The following CCDC60 variants were observed in gnomAD, a reference collection of about 807,000 sequenced individuals.
CCDC60 encodes coiled-coil domain-containing protein 60.
A neutral mutation model predicts 63.5 loss-of-function variants in CCDC60; 54 were observed. The ratio of observed to expected loss-of-function variants is 0.85; its 90% confidence interval spans 0.68 to 1.07. The LOEUF is 1.07. Ranked by LOEUF, CCDC60 falls within the 50% of genes least tolerant of loss-of-function variation. CCDC60 has a pLI of 0.00. For missense variants in CCDC60, 651 were observed against 684.3 expected, an observed-to-expected ratio of 0.95 and a Z score of 0.54; for synonymous variants, 206 against 238.8, an observed-to-expected ratio of 0.86 and a Z score of 1.27.
intron 1 of CCDC60, 113 bp downstream of exon 1, chr12:119,335,379 C>T (rs111727711): frequency 9.7e-6 from 7 of 719,054 alleles, no homozygotes; most frequent in African/African-American, 5.4e-5. Context: ...GCCACACTGA[C>T]TTCCACAATG....
chr12:119,428,819 A>G, intron 2 of CCDC60, 57 bp downstream of exon 2: 3 of 1,168,022 alleles, frequency 2.6e-6, no homozygotes, highest in Non-Finnish European at 3.8e-6. Flanking sequence ...TGAGCAGGCT[A>G]TGGGGTGTTG....
At chr12:119,358,629 C>G (rs1955742124) in intron 1 of CCDC60, among the ~76,000 whole-genome samples, 1 of 152,198 alleles carries the variant, frequency 6.6e-6, no homozygotes, top group Non-Finnish European at 1.5e-5. Context: ...AACCACCATC[C>G]TGACCTCTAT....
chr12:119,447,696 A>G (rs1438996191), intron 2 of CCDC60: 1 of 152,242 alleles, frequency 6.6e-6, no homozygotes, highest in Non-Finnish European at 1.5e-5. Context: ...CTCAGAACTG[A>G]AAACTGACTG....
chr12:119,517,481 T>C (rs1952385909), intron 8 of CCDC60, among the ~76,000 whole-genome samples: 1 of 152,158 alleles, frequency 6.6e-6, no homozygotes, highest in Non-Finnish European at 1.5e-5. Context: ...CAAATAATAA[T>C]GGCATTTGAC....
intron 4 of CCDC60, among the ~76,000 whole-genome samples, chr12:119,481,885 G>A (rs1951324886): frequency 6.6e-6 from 1 of 150,760 alleles, no homozygotes; most frequent in African/African-American, 2.4e-5. Context: ...ACTTCACTTA[G>A]AATAATAGTC....
At chr12:119,339,913 G>A (rs1336083241) in intron 1 of CCDC60, among the ~76,000 whole-genome samples, 1 of 152,216 alleles carries the variant, frequency 6.6e-6, no homozygotes, top group Admixed American at 6.5e-5. Context: ...ACCAATAAAA[G>A]AGTAGATTCT....
At chr12:119,373,368 A>G (rs1053520408) in intron 1 of CCDC60, among the ~76,000 whole-genome samples, 1 of 152,188 alleles carries the variant, frequency 6.6e-6, no homozygotes, top group Non-Finnish European at 1.5e-5. Context: ...ACCGGCAGCT[A>G]TGTGACTCTG....
At chr12:119,406,286 T>C (rs1956490413) in intron 1 of CCDC60, among the ~76,000 whole-genome samples, 1 of 152,040 alleles carries the variant, frequency 6.6e-6, no homozygotes, top group Non-Finnish European at 1.5e-5. Context: ...GTGGAAGAGA[T>C]GAGGGTCTCA....
rs1366505770 is a variant in CCDC60 at position 119,483,776 on chromosome 12, G to A, written c.449+4575G>A. On this transcript the variant is annotated intron_variant, in intron 4 of 13. Coordinates refer to ENST00000327554, the MANE Select transcript of CCDC60 (RefSeq NM_178499.5). The stretch of plus-strand genomic sequence containing the variant: ...CTGAGCTCAGGGACTTCAGAAGCAG[G>A]CTTTGTGTAACCCTGTTCAGCATTT... Among the ~76,000 whole-genome samples, 3 of 152,136 alleles carry A rather than the reference G, an allele frequency of 2.0e-5. No homozygotes were observed. The East Asian group carries it at 5.8e-4, about 29-fold the overall frequency.
At chr12:119,368,620 A>G (rs889172672) in intron 1 of CCDC60, among the ~76,000 whole-genome samples, 1 of 152,188 alleles carries the variant, frequency 6.6e-6, no homozygotes. Flanking sequence ...GTTTGTCATC[A>G]GCAGCTTCTA....
intron 1 of CCDC60, among the ~76,000 whole-genome samples, chr12:119,368,086 G>A (rs559755634): frequency 6.7e-6 from 1 of 150,016 alleles, no homozygotes; most frequent in African/African-American, 2.5e-5. Context: ...AGAAGGAGGA[G>A]GGGGAGGAGG....
intron 1 of CCDC60, among the ~76,000 whole-genome samples, chr12:119,345,371 A>G (rs1276022137): frequency 6.6e-6 from 1 of 152,108 alleles, no homozygotes; most frequent in African/African-American, 2.4e-5. Flanking sequence ...GTGTGGTGGC[A>G]TGTGCCTATA....
At chr12:119,490,591 G>T (rs1374177974) in intron 5 of CCDC60, among the ~76,000 whole-genome samples, 4 of 151,426 alleles carry the variant, frequency 2.6e-5, no homozygotes, top group Admixed American at 2.0e-4. Context: ...AGAGATGAGG[G>T]TCTTGCTCTG....
At chr12:119,486,908 G>T (rs1033850366) in intron 4 of CCDC60, among the ~76,000 whole-genome samples, 1 of 152,156 alleles carries the variant, frequency 6.6e-6, no homozygotes, top group Non-Finnish European at 1.5e-5. Context: ...ACCCTGGGGA[G>T]TGTTGATGAG....
chr12:119,336,311 G>A (rs4767810), intron 1 of CCDC60, among the ~76,000 whole-genome samples: 46,153 of 152,060 alleles, frequency 0.3, 7,556 homozygotes, highest in East Asian at 0.6. Context: ...GTCATGGTGT[G>A]ATTAAATTGT....
At chr12:119,406,202 T>G (rs534746691) in intron 1 of CCDC60, among the ~76,000 whole-genome samples, 11,964 of 139,350 alleles carry the variant, frequency 0.086, 549 homozygotes, top group Middle Eastern at 0.12. Context: ...GATATATATA[T>G]ATAGAGAGAG....
In CCDC60 at chr12:119,461,453, T is replaced by G. The variant is rs535281971; in HGVS notation, c.171-10541T>G. On this transcript the variant is annotated intron_variant, in intron 2 of 13. Transcript: ENST00000327554. Reference sequence around the variant, plus strand: ...AGAAATGAAACCTAGGCTTCCTTCCTTCTGTCCCTTTGGTCTGTCTTGGCC... The same window carrying G: ...AGAAATGAAACCTAGGCTTCCTTCCGTCTGTCCCTTTGGTCTGTCTTGGCC... 2.6e-5 allele frequency among the ~76,000 whole-genome samples: 4 copies of G among 152,264 alleles called. No individual in the cohort carries two copies. The East Asian group carries it at 7.7e-4, about 29-fold the overall frequency.
intron 1 of CCDC60, among the ~76,000 whole-genome samples, chr12:119,360,225 C>T (rs1955764363): frequency 1.3e-5 from 2 of 151,066 alleles, no homozygotes; most frequent in African/African-American, 4.9e-5. Flanking sequence ...CTCCTCACTT[C>T]CCAGTAGGGG....
At chr12:119,539,662 G>A (rs953292204) in intron 13 of CCDC60, among the ~76,000 whole-genome samples, 16 of 152,180 alleles carry the variant, frequency 1.1e-4, no homozygotes, top group African/African-American at 3.9e-4. Flanking sequence ...TTGGCTCCCT[G>A]GCTTCAGCCC....
Sources: allele counts gnomAD v4.1 joint callset (sites outside exome capture counted in the v4.1 genomes callset), GRCh38; gene constraint gnomAD v4.1.1; transcripts MANE v1.5; gene names NCBI Gene and HGNC (gene_info 2026-07-23, HGNC 2026-07-21).